OPCML: variants seen among roughly 807,000 people sequenced by gnomAD.
OPCML encodes the protein opioid-binding protein/cell adhesion molecule.
A neutral mutation model predicts 37.8 loss-of-function variants in OPCML; 13 were observed. The observed-to-expected ratio is 0.34, with a 90% CI of 0.22 to 0.55. The LOEUF (loss-of-function observed/expected upper bound fraction) is 0.55. Ranked by LOEUF, OPCML falls within the 20% of genes least tolerant of loss-of-function variation. The pLI, the probability that OPCML is intolerant of heterozygous loss-of-function variation, is 0.91. For synonymous variants in OPCML, 176 were observed against 168.8 expected, an observed-to-expected ratio of 1.04 and a Z score of -0.33; for missense variants, 341 against 435.6, an observed-to-expected ratio of 0.78 and a Z score of 1.93.
intron 4 of OPCML, among the ~76,000 whole-genome samples, chr11:132,447,043 C>T (rs754512394): frequency 6.6e-6 from 1 of 152,176 alleles, no homozygotes; most frequent in Non-Finnish European, 1.5e-5. Context: ...ACCTACAGGG[C>T]TGGCATCTGC....
At chr11:132,735,643 C>T (rs537577345) in intron 2 of OPCML, among the ~76,000 whole-genome samples, 1 of 151,996 alleles carries the variant, frequency 6.6e-6, no homozygotes, top group East Asian at 1.9e-4. Flanking sequence ...ACCACTACGC[C>T]CGACTAATTT....
chr11:133,248,057 G>C lies in OPCML; in HGVS notation c.61+284207C>G, dbSNP rs561993251. Among the ~76,000 whole-genome samples, 230 of 152,300 alleles carry C rather than the reference G, an allele frequency of 1.5e-3. 5 individuals carry two copies. Among genetic ancestry groups the C allele is most frequent in the Middle Eastern group, 0.01 (3 of 294 alleles). ...ATTAGCAGGCACATAAAGAAGGGAAGCTGCCATGGCTTGAAGGGTGCCAAG... is the reference window on the plus strand; with the variant it reads ...ATTAGCAGGCACATAAAGAAGGGAACCTGCCATGGCTTGAAGGGTGCCAAG... On this transcript the variant is annotated intron_variant, in intron 1 of 7. Coordinates refer to ENST00000524381, the MANE Select transcript of OPCML (RefSeq NM_001012393.5).
At chr11:133,127,347 C>T (rs1482157299) in intron 1 of OPCML, among the ~76,000 whole-genome samples, 1 of 152,052 alleles carries the variant, frequency 6.6e-6, no homozygotes, top group East Asian at 1.9e-4. Context: ...AGTCATTTAT[C>T]TTGGCCGGGC....
At chr11:132,736,577 G>A (rs1276045698) in intron 2 of OPCML, among the ~76,000 whole-genome samples, 2 of 152,078 alleles carry the variant, frequency 1.3e-5, no homozygotes, top group East Asian at 3.9e-4. Context: ...ATTGACAGTG[G>A]GTAACTCCTG....
intron 2 of OPCML, among the ~76,000 whole-genome samples, chr11:132,888,299 G>C (rs111515836): frequency 6.6e-6 from 1 of 152,246 alleles, no homozygotes; most frequent in African/African-American, 2.4e-5. Flanking sequence ...CAGGCTGCAC[G>C]GCCTAGAATT....
chr11:133,106,382 G>A (rs966022324), intron 1 of OPCML, among the ~76,000 whole-genome samples: 3 of 152,160 alleles, frequency 2.0e-5, no homozygotes, highest in Non-Finnish European at 2.9e-5. Flanking sequence ...AATACATAAC[G>A]CAGACTTTCT....
At chr11:132,586,190 G>A (rs1591589220) in intron 3 of OPCML, among the ~76,000 whole-genome samples, 2 of 152,158 alleles carry the variant, frequency 1.3e-5, no homozygotes, top group South Asian at 2.1e-4. Flanking sequence ...GGAAGCCCAA[G>A]TGGAAATCTT....
intron 1 of OPCML, among the ~76,000 whole-genome samples, chr11:132,970,628 GT>G (rs1946320491): frequency 6.6e-6 from 1 of 151,886 alleles, no homozygotes; most frequent in Non-Finnish European, 1.5e-5. Context: ...TTTTAATAAA[GT>G]CATTTTTCCA....
At position 132,762,861 on chromosome 11, in the gene OPCML, CA is replaced by C. The variant is rs1393440793; in HGVS notation, c.147-105543del. ...TGGTGTTCCACGTGCCACTGAGGTA[CA>C]AAAAAATACACCTGCAGCTAGCTCG... On this transcript the variant is annotated intron_variant, in intron 2 of 7. Coordinates refer to ENST00000524381, the MANE Select transcript of OPCML (RefSeq NM_001012393.5). Among the ~76,000 whole-genome samples, 6 of 152,108 alleles carry C rather than the reference CA, an allele frequency of 3.9e-5. No homozygotes were observed. The East Asian group carries it at 9.7e-4, about 25-fold the overall frequency.
chr11:132,836,570 G>A (rs66866041), intron 2 of OPCML, among the ~76,000 whole-genome samples: 8,010 of 152,242 alleles, frequency 0.053, 309 homozygotes, highest in Non-Finnish European at 0.076. Context: ...ATTGGATTAT[G>A]ACAGCTCAAA....
chr11:132,811,655 G>A (rs1939348762), intron 2 of OPCML, among the ~76,000 whole-genome samples: 2 of 152,056 alleles, frequency 1.3e-5, no homozygotes, highest in Non-Finnish European at 2.9e-5. Context: ...GCTAATTAGA[G>A]CCCCACATGT....
At chr11:132,912,714 T>A (rs1464046466) in intron 2 of OPCML, among the ~76,000 whole-genome samples, 1 of 152,180 alleles carries the variant, frequency 6.6e-6, no homozygotes, top group East Asian at 1.9e-4. Flanking sequence ...CCATCCTAAC[T>A]GGGGTTGCTT....
In OPCML at chr11:133,206,799, G is replaced by T. The variant is rs1489400263; in HGVS notation, c.62-263789C>A. The stretch of plus-strand genomic sequence containing the variant: ...TCTTCTGGTCCGCAGGTTTGTGAAT[G>T]GATGCAGCACCCACGCTTACCCTCC... On this transcript the variant is annotated intron_variant, in intron 1 of 7. Transcript: ENST00000524381. The surrounding 1 kb of genome is among the most constrained non-coding windows in gnomAD (Gnocchi z 4.7). 6.6e-6 allele frequency among the ~76,000 whole-genome samples: 1 copy of T among 152,152 alleles called. No individual in the cohort carries two copies. Among genetic ancestry groups the T allele is most frequent in the East Asian group, 1.9e-4 (1 of 5,186 alleles).
intron 1 of OPCML, among the ~76,000 whole-genome samples, chr11:133,144,846 C>A (rs1455517572): frequency 6.6e-6 from 1 of 152,116 alleles, no homozygotes; most frequent in African/African-American, 2.4e-5. Context: ...AGCTATAGAT[C>A]CAAATTCAAG....
At chr11:132,582,924 C>T (rs2096465158) in intron 3 of OPCML, among the ~76,000 whole-genome samples, 1 of 147,316 alleles carries the variant, frequency 6.8e-6, no homozygotes, top group Admixed American at 6.9e-5. Flanking sequence ...TAGCTCACTG[C>T]AGCCTCGAAC....
intron 1 of OPCML, among the ~76,000 whole-genome samples, chr11:133,019,437 T>A (rs567334965): frequency 1.3e-5 from 2 of 152,294 alleles, no homozygotes; most frequent in East Asian, 3.9e-4. Flanking sequence ...TGTCTCTCCA[T>A]GCGGACACCA....
At chr11:132,457,900 T>C (rs1229428682) in intron 4 of OPCML, among the ~76,000 whole-genome samples, 1 of 152,238 alleles carries the variant, frequency 6.6e-6, no homozygotes, top group Non-Finnish European at 1.5e-5. Flanking sequence ...GGTCTATGCA[T>C]GGGTCCACGC....
intron 1 of OPCML, among the ~76,000 whole-genome samples, chr11:133,359,481 G>T (rs1944366318): frequency 1.3e-5 from 2 of 152,176 alleles, no homozygotes; most frequent in African/African-American, 4.8e-5. Context: ...TCTACTATGT[G>T]TCAGGTACTC....
At chr11:133,113,964 T>A (rs1456655690) in intron 1 of OPCML, among the ~76,000 whole-genome samples, 1 of 152,214 alleles carries the variant, frequency 6.6e-6, no homozygotes, top group Non-Finnish European at 1.5e-5. Context: ...TTATGAAAAC[T>A]TGGCCTCATG....
Sources: gnomAD v4.1 joint callset for allele counts (sites outside exome capture counted in the v4.1 genomes callset) on GRCh38, gnomAD v4.1.1 for gene constraint, Gnocchi (gnomAD v3.1) non-coding constraint, MANE v1.5 for transcripts, NCBI Gene and HGNC (gene_info 2026-07-23, HGNC 2026-07-21) for gene names.